The following SDHA variants were observed in gnomAD, a reference collection of about 807,000 sequenced individuals.
SDHA encodes succinate dehydrogenase complex flavoprotein subunit A.
A neutral mutation model predicts 78.4 loss-of-function variants in SDHA; 48 were observed. That is an observed-to-expected ratio of 0.61 (90% confidence interval 0.49 to 0.78). SDHA has a LOEUF of 0.78. Among genes scored for constraint, SDHA ranks in the 30% least tolerant of loss-of-function variants. SDHA has a pLI of 0.00. For synonymous variants in SDHA, 326 were observed against 353.9 expected, an observed-to-expected ratio of 0.92 and a Z score of 0.88; for missense variants, 680 against 892.7, an observed-to-expected ratio of 0.76 and a Z score of 3.04.
At chr5:254,644 GA>G in intron 14 of SDHA, 138 bp downstream of exon 14, 28 of 1,399,060 alleles carry the variant, frequency 2.0e-5, no homozygotes, top group Middle Eastern at 2.5e-4. Flanking sequence ...AGGCACCGCT[GA>G]AAAAGGCACT....
downstream of SDHA, among the ~76,000 whole-genome samples, chr5:261,866 T>C (rs1354762770): frequency 1.1e-3 from 12 of 10,634 alleles, 2 homozygotes; most frequent in East Asian, 3.5e-3. Context: ...GAGCTCCGCC[T>C]CCCGTCAGAG....
chr5:239,072 C>T (rs1283947349), intron 10 of SDHA, among the ~76,000 whole-genome samples: 1 of 115,546 alleles, frequency 8.7e-6, no homozygotes, highest in East Asian at 2.0e-4. Context: ...GAAACACCAG[C>T]GAGCCTAGAA....
chr5:241,195 G>T (rs1484138915), intron 11 of SDHA, among the ~76,000 whole-genome samples: 1 of 152,168 alleles, frequency 6.6e-6, no homozygotes, highest in African/African-American at 2.4e-5. Flanking sequence ...TGACCTCCGT[G>T]ACCTGACCAT....
At chr5:259,757 CGTCCG>C (rs1225162939), downstream of SDHA, among the ~76,000 whole-genome samples, 2 of 35,400 alleles carry the variant, frequency 5.6e-5, no homozygotes. Flanking sequence ...CTCCGCCTCC[CGTCCG>C]AGCATTACCG....
chr5:262,573 A>G, the SDHA span, among the ~76,000 whole-genome samples: 1 of 152,118 alleles, frequency 6.6e-6, no homozygotes, highest in Non-Finnish European at 1.5e-5. Context: ...GAACCGTTTC[A>G]TCTCCAAACC....
At chr5:266,262 G>T in the SDHA span, among the ~76,000 whole-genome samples, 1 of 152,314 alleles carries the variant, frequency 6.6e-6, no homozygotes, top group Non-Finnish European at 1.5e-5. Flanking sequence ...GTATTAATAT[G>T]GGCGTTTGAG....
chr5:220,470 G>A (rs62346524), intron 1 of SDHA: 1 of 196,924 alleles, frequency 5.1e-6, no homozygotes, highest in Non-Finnish European at 1.1e-5. Context: ...GGCCATTATA[G>A]TAGTAAACCT....
At chr5:233,971 G>GT in intron 8 of SDHA, 1 of 364,262 alleles carries the variant, frequency 2.7e-6, no homozygotes, top group Non-Finnish European at 5.2e-6. Flanking sequence ...ACCCACAGAT[G>GT]TTTTTTGGCA....
At chr5:241,306 C>T (rs1736125666) in intron 11 of SDHA, among the ~76,000 whole-genome samples, 1 of 152,120 alleles carries the variant, frequency 6.6e-6, no homozygotes, top group Non-Finnish European at 1.5e-5. Flanking sequence ...TAGAGGTTTC[C>T]TGGAGTTCAA....
chr5:249,296 A>G (rs1736663947), intron 11 of SDHA: 1 of 243,444 alleles, frequency 4.1e-6, no homozygotes, highest in Non-Finnish European at 8.1e-6. Context: ...CTTTGCTTTT[A>G]TCACTTTGCA....
intron 10 of SDHA, 21 bp from the exon 11 acceptor site, chr5:240,337 T>G: frequency 6.7e-7 from 1 of 1,494,428 alleles, no homozygotes; most frequent in Non-Finnish European, 9.3e-7. Flanking sequence ...AAAGTTAAAT[T>G]CTAGCTTTTT....
intron 11 of SDHA, chr5:248,944 CAT>C (rs201058039): frequency 0.04 from 16,473 of 410,184 alleles, 2,377 homozygotes; most frequent in African/African-American, 0.32. Context: ...AGGAGCTAAA[CAT>C]AAGGATTTGT....
At chr5:251,596 T>TC in intron 13 of SDHA, 128 bp downstream of exon 13, 1 of 1,542,388 alleles carries the variant, frequency 6.5e-7, no homozygotes, top group Admixed American at 2.0e-5. Flanking sequence ...AATGCCTTTT[T>TC]CCCCCCTGGT....
intron 1 of SDHA, chr5:220,405 C>T (rs1484799237): frequency 2.8e-6 from 1 of 357,200 alleles, no homozygotes; most frequent in African/African-American, 2.1e-5. Context: ...GATTTCTTTT[C>T]TTTGAATGGA....
chr5:251,657 C>G, intron 13 of SDHA, 189 bp downstream of exon 13: 6 of 1,523,266 alleles, frequency 3.9e-6, no homozygotes, highest in Non-Finnish European at 5.3e-6. Flanking sequence ...TGACCTTTTC[C>G]TTGCTTTGGG....
downstream of SDHA, among the ~76,000 whole-genome samples, chr5:257,628 TGG>T (rs1579451084): frequency 8.9e-6 from 1 of 112,312 alleles, no homozygotes; most frequent in African/African-American, 5.0e-5. Flanking sequence ...AGAGCATTAC[TGG>T]GTGAGCTCCA....
At chr5:226,880 G>T (rs1459290936) in intron 5 of SDHA, among the ~76,000 whole-genome samples, 1 of 134,070 alleles carries the variant, frequency 7.5e-6, no homozygotes, top group East Asian at 2.2e-4. Context: ...AGTGAGCCGA[G>T]ATCGCACCCC....
downstream of SDHA, among the ~76,000 whole-genome samples, chr5:259,250 C>G (rs371044037): frequency 3.9e-4 from 12 of 30,446 alleles, no homozygotes; most frequent in African/African-American, 1.7e-3. Context: ...CCTCCCGTCA[C>G]AGCATTACCG....
chr5:246,264 CATAAA>C, intron 11 of SDHA, among the ~76,000 whole-genome samples: 1 of 151,860 alleles, frequency 6.6e-6, no homozygotes, highest in Admixed American at 6.6e-5. Context: ...AAAGCAAGGC[CATAAA>C]GCCCAAGTAA....
Sources: allele counts gnomAD v4.1 joint callset (sites outside exome capture counted in the v4.1 genomes callset), GRCh38; gene constraint gnomAD v4.1.1; transcripts MANE v1.5; gene names NCBI Gene and HGNC (gene_info 2026-07-23, HGNC 2026-07-21).